Variants in TMEM59 observed in about 807,000 individuals in gnomAD.
TMEM59 encodes the protein transmembrane protein 59, also known as dendritic cell factor 1.
In TMEM59, 44 loss-of-function variants were observed where a neutral mutation model predicts 42.2. That is an observed-to-expected ratio of 1.04 (90% CI 0.82 to 1.34). The LOEUF (loss-of-function observed/expected upper bound fraction) is 1.34. Among genes scored for constraint, TMEM59 ranks in the 40% most tolerant of loss-of-function variants. The pLI is 0.00. For synonymous variants in TMEM59, 148 were observed against 145.8 expected, an observed-to-expected ratio of 1.02 and a Z score of -0.11; for missense variants, 359 against 382.8, an observed-to-expected ratio of 0.94 and a Z score of 0.52.
rs1275574122 is a variant in TMEM59 at position 54,030,365 on chromosome 1, T to C, written c.*1785A>G. On this transcript the variant is annotated 3_prime_UTR_variant, in exon 8 of 8. Coordinates refer to ENST00000234831, the MANE Select transcript of TMEM59 (RefSeq NM_004872.5). ...TGTGCCTGACTAAGGAAACTAAGTA[T>C]GCACTAATGATGGGAGACGAAACAA... 1 of 152,232 alleles carries C rather than the reference T, an allele frequency of 6.6e-6. No individual in the cohort carries two copies. Among genetic ancestry groups the C allele is most frequent in the Non-Finnish European group, 1.5e-5 (1 of 68,046 alleles). 9.4% of individuals were successfully genotyped at this position (152,232 alleles called of 1,614,324 possible).
At chr1:54,038,608 G>A (rs1415852066) in intron 6 of TMEM59, among the ~76,000 whole-genome samples, 1 of 152,228 alleles carries the variant, frequency 6.6e-6, no homozygotes, top group Non-Finnish European at 1.5e-5. Flanking sequence ...AACTGGCTGA[G>A]TGATTCTGTA....
At chr1:54,038,666 C>A (rs1657036098) in intron 6 of TMEM59, among the ~76,000 whole-genome samples, 1 of 152,040 alleles carries the variant, frequency 6.6e-6, no homozygotes, top group African/African-American at 2.4e-5. Context: ...ATAGTTACAG[C>A]AGAATAGGAT....
chr1:54,040,924 A>G (rs1332405842), intron 5 of TMEM59, 87 bp from the exon 6 acceptor site: 4 of 1,030,764 alleles, frequency 3.9e-6, no homozygotes, highest in Non-Finnish European at 4.4e-6. Flanking sequence ...TACACTTTAC[A>G]GATATCCAAT....
rs371283348 is a variant in TMEM59 at position 54,030,120 on chromosome 1, T to C, written c.*2030A>G. ...TGAAACCAAGGGAAGGTGGAGAATA[T>C]AGGACAACTGTACAGTTGCTTTAAA... is the stretch of plus-strand genomic sequence containing the variant. On this transcript the variant is annotated 3_prime_UTR_variant, in exon 8 of 8. Coordinates refer to ENST00000234831, the MANE Select transcript of TMEM59 (RefSeq NM_004872.5). The C allele has an allele frequency of 2.0e-5, 3 of 151,214 alleles. No individual in the cohort carries two copies. The highest frequency in any genetic ancestry group is 1.3e-4 in the Admixed American group (2 of 15,184). The allele number at this position is 151,214 out of a possible 1,614,324, so 9.4% of individuals were successfully genotyped here.
intron 7 of TMEM59, among the ~76,000 whole-genome samples, chr1:54,032,733 A>G (rs1307008805): frequency 6.6e-6 from 1 of 152,218 alleles, no homozygotes; most frequent in African/African-American, 2.4e-5. Flanking sequence ...ATGCTCTCAC[A>G]CTGATAGAAG....
intron 2 of TMEM59, among the ~76,000 whole-genome samples, chr1:54,047,044 A>G (rs1291093184): frequency 6.6e-6 from 1 of 152,244 alleles, no homozygotes; most frequent in Non-Finnish European, 1.5e-5. Flanking sequence ...AAGGTGTCCT[A>G]TTCATAGCAG....
At chr1:54,036,517 G>T in intron 7 of TMEM59, 93 bp downstream of exon 7, 2 of 885,016 alleles carry the variant, frequency 2.3e-6, no homozygotes, top group Non-Finnish European at 3.3e-6. Context: ...CTTTCTATTA[G>T]TAGAAAGGCC....
rs1321283558 is a variant in TMEM59 at position 54,029,461 on chromosome 1, C to A, written c.*2689G>T. 1 of 152,130 alleles carries A rather than the reference C, an allele frequency of 6.6e-6. No individual in the cohort carries two copies. The highest frequency in any genetic ancestry group is 1.5e-5 in the Non-Finnish European group (1 of 68,026). 9.4% of individuals were successfully genotyped at this position (152,130 alleles called of 1,614,324 possible). On this transcript the variant is annotated 3_prime_UTR_variant, in exon 8 of 8. Transcript: ENST00000234831. ...TTGAGAATTTGCCTAGGACCAAGAC[C>A]AGATTCTCAAGATGCTTTCTGTGTG... is the stretch of plus-strand genomic sequence containing the variant.
chr1:54,045,412 G>A, intron 3 of TMEM59: 1 of 361,656 alleles, frequency 2.8e-6, no homozygotes, highest in South Asian at 7.0e-5. Context: ...TAATTCCTCT[G>A]AGCCTTGGTT....
chr1:54,048,037 A>C (rs1234820023), intron 1 of TMEM59: 1 of 152,382 alleles, frequency 6.6e-6, no homozygotes, highest in Non-Finnish European at 1.5e-5. Flanking sequence ...AGGAGTAAGC[A>C]AGTACCCTAG....
At chr1:54,040,047 CT>C (rs1657085819) in intron 6 of TMEM59, among the ~76,000 whole-genome samples, 1 of 152,116 alleles carries the variant, frequency 6.6e-6, no homozygotes, top group African/African-American at 2.4e-5. Context: ...ATACAAAGCC[CT>C]TCTTAATCTA....
chr1:54,043,953 C>A (rs1310938827), intron 3 of TMEM59: 2 of 152,100 alleles, frequency 1.3e-5, no homozygotes, highest in African/African-American at 4.8e-5. Flanking sequence ...CGGAAAAAAT[C>A]AATCAGAAGA....
At chr1:54,042,115 A>G (rs1657162535) in intron 4 of TMEM59, among the ~76,000 whole-genome samples, 2 of 150,982 alleles carry the variant, frequency 1.3e-5, no homozygotes, top group Non-Finnish European at 2.9e-5. Context: ...ATTAAATACT[A>G]TACCTTGCAG....
chr1:54,052,416 G>C (rs904527378), intron 1 of TMEM59, among the ~76,000 whole-genome samples: 1 of 152,116 alleles, frequency 6.6e-6, no homozygotes, highest in Non-Finnish European at 1.5e-5. Flanking sequence ...CTCTAACCCA[G>C]TCCCTCTTGG....
At position 54,026,883 on chromosome 1, in the gene TMEM59, A is replaced by G. The variant is rs189267230; in HGVS notation, c.*5267T>C. On this transcript the variant is annotated 3_prime_UTR_variant, in exon 8 of 8. Coordinates refer to ENST00000234831, the MANE Select transcript of TMEM59 (RefSeq NM_004872.5). ...AGTCTTCAATTATTACTGTTCTAAC[A>G]CTGCAAAAACCATTCAAGCATAAAA... The G allele has an allele frequency of 3.3e-5, 5 of 152,332 alleles. No homozygotes were observed. The East Asian group carries it at 5.8e-4, about 18-fold the overall frequency. The allele number at this position is 152,332 out of a possible 1,614,324, so 9.4% of individuals were successfully genotyped here.
At chr1:54,048,707 A>G in intron 1 of TMEM59, 2 of 427,006 alleles carry the variant, frequency 4.7e-6, no homozygotes, top group Non-Finnish European at 9.7e-6. Flanking sequence ...GCATGTGCAT[A>G]TACCAGTTAG....
chr1:54,041,856 T>TC (rs1165181841), intron 4 of TMEM59, 51 bp from the exon 5 acceptor site: 1 of 1,425,442 alleles, frequency 7.0e-7, no homozygotes, highest in Non-Finnish European at 9.8e-7. Flanking sequence ...TTAGCTTTTT[T>TC]CAGTAACAAG....
At chr1:54,045,477 A>T in intron 3 of TMEM59, 1 of 480,090 alleles carries the variant, frequency 2.1e-6, no homozygotes, top group Non-Finnish European at 3.7e-6. Flanking sequence ...AAGAAACAAA[A>T]TAAGATTATG....
chr1:54,046,819 C>CA (rs1467371602), intron 2 of TMEM59, among the ~76,000 whole-genome samples: 1 of 152,178 alleles, frequency 6.6e-6, no homozygotes, highest in Non-Finnish European at 1.5e-5. Context: ...TAACAGATGA[C>CA]AAAGCCTCTG....
Sources: allele counts gnomAD v4.1 joint callset (sites outside exome capture counted in the v4.1 genomes callset), GRCh38; gene constraint gnomAD v4.1.1; transcripts MANE v1.5; gene names NCBI Gene and HGNC (gene_info 2026-07-23, HGNC 2026-07-21).